NDUFS4: variants seen among roughly 807,000 people sequenced by gnomAD.
NDUFS4 encodes NADH dehydrogenase [ubiquinone] iron-sulfur protein 4, mitochondrial.
Under a neutral mutation model 24.3 loss-of-function variants are expected in NDUFS4, and 28 were observed. That is an observed-to-expected ratio of 1.15 (90% CI 0.85 to 1.58). NDUFS4 has a LOEUF of 1.58. NDUFS4 is among the 40% of genes most tolerant of loss of function. The probability of loss-of-function intolerance (pLI) is 0.00; values close to 1 mark genes in which losing one functional copy is unlikely to be tolerated. For missense variants in NDUFS4, 223 were observed against 207.9 expected (o/e 1.07, Z -0.45); for synonymous variants, 93 against 69.7 (o/e 1.34, Z -1.67).
chr5:53,578,447 G>C (rs1026451893), intron 1 of NDUFS4, among the ~76,000 whole-genome samples: 4 of 152,138 alleles, frequency 2.6e-5, no homozygotes, highest in Non-Finnish European at 5.9e-5. Context: ...CTGTCAGGCT[G>C]TATTCTTACC....
Position 53,664,775 on chromosome 5 carries a change from A to C in NDUFS4, c.424+6151A>C, listed in dbSNP as rs189154598. On this transcript the variant is annotated intron_variant, in intron 4 of 4. Coordinates refer to ENST00000296684, the MANE Select transcript of NDUFS4 (RefSeq NM_002495.4). ...TTTTAACTTCTTTGCCATGGTTTCA[A>C]ACTTCCTCCTTTAGCTCGGAGTAGT... Among the ~76,000 whole-genome samples, 155 of 152,164 alleles carry C rather than the reference A, an allele frequency of 1.0e-3. 1 individual carries two copies. The highest frequency in any genetic ancestry group is 3.2e-3 in the African/African-American group (132 of 41,516).
intron 2 of NDUFS4, among the ~76,000 whole-genome samples, chr5:53,641,434 A>G (rs369979826): frequency 6.6e-6 from 1 of 152,292 alleles, no homozygotes; most frequent in East Asian, 1.9e-4. Context: ...AGTTCATTCA[A>G]ACTACACTTT....
chr5:53,677,868 T>C (rs1366964058), intron 4 of NDUFS4, among the ~76,000 whole-genome samples: 1 of 152,208 alleles, frequency 6.6e-6, no homozygotes, highest in East Asian at 1.9e-4. Context: ...TCCAAACTCA[T>C]GTCAGGGTTT....
At chr5:53,602,450 C>T (rs977355995) in intron 1 of NDUFS4, among the ~76,000 whole-genome samples, 1 of 151,932 alleles carries the variant, frequency 6.6e-6, no homozygotes, top group African/African-American at 2.4e-5. Flanking sequence ...AGCAGTAAAA[C>T]CTCTTGTATT....
intron 1 of NDUFS4, among the ~76,000 whole-genome samples, chr5:53,588,691 C>G (rs1749847316): frequency 6.6e-6 from 1 of 152,140 alleles, no homozygotes; most frequent in Admixed American, 6.6e-5. Context: ...AGTCCATTTG[C>G]AAATACACCA....
chr5:53,609,831 C>T (rs746955836), intron 2 of NDUFS4, among the ~76,000 whole-genome samples: 1 of 152,042 alleles, frequency 6.6e-6, no homozygotes, highest in South Asian at 2.1e-4. Context: ...ACCTCATGAG[C>T]CAACCTCTGC....
intron 1 of NDUFS4, among the ~76,000 whole-genome samples, chr5:53,602,709 A>T (rs1750364528): frequency 6.6e-6 from 1 of 152,188 alleles, no homozygotes; most frequent in African/African-American, 2.4e-5. Context: ...ATAGAAATCT[A>T]TGTCAGATAG....
At chr5:53,664,807 G>A (rs540279606) in intron 4 of NDUFS4, among the ~76,000 whole-genome samples, 9 of 151,892 alleles carry the variant, frequency 5.9e-5, no homozygotes, top group South Asian at 4.2e-4. Flanking sequence ...TAGTTTGATC[G>A]TCTGAAGCCT....
chr5:53,573,792 A>G (rs747425642), intron 1 of NDUFS4: 8 of 254,562 alleles, frequency 3.1e-5, no homozygotes, highest in Non-Finnish European at 6.3e-5. Flanking sequence ...ACAGGTTGCT[A>G]TATTGCCCAT....
chr5:53,599,268 T>A (rs550988840), intron 1 of NDUFS4, among the ~76,000 whole-genome samples: 1 of 152,250 alleles, frequency 6.6e-6, no homozygotes, highest in South Asian at 2.1e-4. Context: ...TCACTTTTAG[T>A]TCTTTTAGGT....
intron 1 of NDUFS4, among the ~76,000 whole-genome samples, chr5:53,582,536 T>A (rs1319499964): frequency 6.6e-6 from 1 of 152,232 alleles, no homozygotes; most frequent in Non-Finnish European, 1.5e-5. Context: ...AAAACCCATG[T>A]GAACATGAGG....
rs70983372 is a variant in NDUFS4, at chr5:53,675,157, CT to C, written c.425-7939del. The stretch of plus-strand genomic sequence containing the variant: ...CTATAAGCTAATCAGAACAGAGTTC[CT>C]TTTTTTTTTTTTTTTTTTTTTGAGG... On this transcript the variant is annotated intron_variant, in intron 4 of 4. Transcript: ENST00000296684. Among the ~76,000 whole-genome samples, 875 of 102,946 alleles carry C rather than the reference CT, an allele frequency of 8.5e-3. 3 individuals are homozygous for C. The highest frequency in any genetic ancestry group is 0.029 in the African/African-American group (759 of 26,286). 67.5% of individuals were successfully genotyped at this position (102,946 alleles called of 152,430 possible).
chr5:53,677,744 A>G (rs1438059285), intron 4 of NDUFS4, among the ~76,000 whole-genome samples: 1 of 152,282 alleles, frequency 6.6e-6, no homozygotes, highest in East Asian at 1.9e-4. Flanking sequence ...TGCTCTTCTG[A>G]TCCCATGCTT....
intron 4 of NDUFS4, among the ~76,000 whole-genome samples, chr5:53,663,928 C>T (rs1158023940): frequency 6.6e-6 from 1 of 152,096 alleles, no homozygotes; most frequent in Non-Finnish European, 1.5e-5. Flanking sequence ...TTCTTAGCCT[C>T]GATGGTCTTT....
intron 3 of NDUFS4, among the ~76,000 whole-genome samples, chr5:53,654,214 A>T (rs1752099425): frequency 6.6e-6 from 1 of 152,164 alleles, no homozygotes; most frequent in African/African-American, 2.4e-5. Context: ...ATTAAGTATT[A>T]ATGTTTTTGT....
At chr5:53,669,963 C>T (rs1752619320) in intron 4 of NDUFS4, among the ~76,000 whole-genome samples, 1 of 151,958 alleles carries the variant, frequency 6.6e-6, no homozygotes, top group Non-Finnish European at 1.5e-5. Flanking sequence ...AGAAAGAAAG[C>T]TATAGTAGGA....
intron 3 of NDUFS4, among the ~76,000 whole-genome samples, chr5:53,652,268 CTTT>C (rs1007755549): frequency 1.3e-5 from 2 of 149,062 alleles, no homozygotes; most frequent in Admixed American, 6.6e-5. Context: ...TTTTTTTTTT[CTTT>C]TTTTGCTATC....
At chr5:53,670,771 A>T (rs1752644219) in intron 4 of NDUFS4, among the ~76,000 whole-genome samples, 1 of 151,530 alleles carries the variant, frequency 6.6e-6, no homozygotes, top group Non-Finnish European at 1.5e-5. Flanking sequence ...TCTTACCTAG[A>T]ATGAATTAAG....
intron 3 of NDUFS4, among the ~76,000 whole-genome samples, chr5:53,649,534 T>A (rs1327087726): frequency 6.6e-6 from 1 of 152,198 alleles, no homozygotes; most frequent in African/African-American, 2.4e-5. Context: ...GAGGACATGA[T>A]TTGATTCTTT....
Sources: gnomAD v4.1 joint callset for allele counts (sites outside exome capture counted in the v4.1 genomes callset) on GRCh38, gnomAD v4.1.1 for gene constraint, MANE v1.5 for transcripts, NCBI Gene and HGNC (gene_info 2026-07-23, HGNC 2026-07-21) for gene names.